Variants in GAREM1 observed in about 807,000 individuals in gnomAD.
GAREM1 encodes the protein GRB2 associated regulator of MAPK1 subtype 1.
GAREM1 carries 26 observed loss-of-function variants against 71.3 expected under a neutral mutation model. The observed-to-expected ratio is 0.36, with a 90% CI of 0.27 to 0.51. The LOEUF (loss-of-function observed/expected upper bound fraction) is 0.51. Ranked by LOEUF, GAREM1 falls within the 20% of genes least tolerant of loss-of-function variation. GAREM1 has a pLI of 0.95. For synonymous variants in GAREM1, 440 were observed against 433.2 expected (o/e 1.02, Z -0.20); for missense variants, 1,026 against 1,103.1 (o/e 0.93, Z 0.99).
At chr18:32,361,544 C>T (rs2144610354) in intron 2 of GAREM1, among the ~76,000 whole-genome samples, 2 of 152,250 alleles carry the variant, frequency 1.3e-5, no homozygotes, top group African/African-American at 4.8e-5. Flanking sequence ...GAACTCTCTT[C>T]AAGTTTTGAT....
chr18:32,273,404 T>C (rs1460265109), intron 4 of GAREM1, among the ~76,000 whole-genome samples: 2 of 152,190 alleles, frequency 1.3e-5, no homozygotes, highest in African/African-American at 4.8e-5. Flanking sequence ...TAGTTGAATT[T>C]GACCTAAAGG....
intron 1 of GAREM1, among the ~76,000 whole-genome samples, chr18:32,459,397 C>T (rs2144308733): frequency 6.6e-6 from 1 of 151,942 alleles, no homozygotes; most frequent in East Asian, 1.9e-4. Flanking sequence ...CATGATGAGG[C>T]TGTGAAGATT....
At position 32,342,380 on chromosome 18, in the gene GAREM1, GTCAT is replaced by G. The variant is rs566165703; in HGVS notation, c.263-32061_263-32058del. Among the ~76,000 whole-genome samples, 4 of 152,270 alleles carry G rather than the reference GTCAT, an allele frequency of 2.6e-5. No individual in the cohort carries two copies. In the East Asian group the frequency reaches 7.7e-4, roughly 29 times the overall value. ...TGCTGCTGGACACTCACTTGATCAT[GTCAT>G]TCCCAGCCTAAACTTTTGCAGGGCT... On this transcript the variant is annotated intron_variant, in intron 2 of 5. Transcript: ENST00000269209.
intron 4 of GAREM1, among the ~76,000 whole-genome samples, chr18:32,271,447 A>G (rs1486123742): frequency 6.6e-6 from 1 of 152,146 alleles, no homozygotes; most frequent in East Asian, 1.9e-4. Flanking sequence ...GGCCTCCCAC[A>G]GTGCTGGGAT....
At chr18:32,281,956 A>G (rs550056553) in intron 4 of GAREM1, among the ~76,000 whole-genome samples, 1 of 152,264 alleles carries the variant, frequency 6.6e-6, no homozygotes, top group South Asian at 2.1e-4. Flanking sequence ...AACTGATGAC[A>G]TTACCTTGTG....
chr18:32,388,984 G>A (rs558462930), intron 2 of GAREM1, among the ~76,000 whole-genome samples: 30 of 152,244 alleles, frequency 2.0e-4, no homozygotes, highest in African/African-American at 7.0e-4. Context: ...GTATTAGGGG[G>A]ATGTATGCTG....
Position 32,470,382 on chromosome 18 carries a change from C to T in GAREM1, c.47G>A (p.Trp16Ter). 1.3e-6 allele frequency: 2 copies of T among 1,565,366 alleles called. No homozygotes were observed. Among genetic ancestry groups the T allele is most frequent in the Non-Finnish European group, 1.7e-6 (2 of 1,157,564 alleles). ...GTCGAGCGGCACGGCCACCGAGCTC[C>T]ACTTCACATCCTTGAGGCTGCAGCC... ...SLGCSLKDVKWSSVAVPLDLL... is the reference protein window; with the variant it reads ...SLGCSLKDVK Residue 16 changes from tryptophan (W) to a stop codon, truncating the protein, a stop_gained, in exon 1 of 6, where the codon TGG becomes TAG. Coordinates refer to ENST00000269209, the MANE Select transcript of GAREM1 (RefSeq NM_001242409.2). LOFTEE classifies it high-confidence loss of function. The surrounding 1 kb of genome is among the most constrained non-coding windows in gnomAD (Gnocchi z 4.4).
At chr18:32,300,993 C>T (rs1465149673) in intron 3 of GAREM1, among the ~76,000 whole-genome samples, 9 of 151,090 alleles carry the variant, frequency 6.0e-5, no homozygotes, top group East Asian at 1.9e-4. Flanking sequence ...CTTTTTCAGA[C>T]GGCAACTTTT....
At chr18:32,364,016 ATATATATATATGTTTTTTTTTT>A (rs2047899192) in intron 2 of GAREM1, among the ~76,000 whole-genome samples, 3 of 49,098 alleles carry the variant, frequency 6.1e-5, no homozygotes, top group African/African-American at 3.7e-4. Flanking sequence ...ATATATATAT[ATATATATATATGTTTTTTTTTT>A]TTTTTTTTTT....
At chr18:32,329,254 T>C (rs1036577184) in intron 2 of GAREM1, among the ~76,000 whole-genome samples, 3 of 152,014 alleles carry the variant, frequency 2.0e-5, no homozygotes, top group Admixed American at 6.6e-5. Context: ...CAAGTGTCTA[T>C]AGTCCTACCT....
chr18:32,344,619 A>T (rs2047677042), intron 2 of GAREM1, among the ~76,000 whole-genome samples: 1 of 152,232 alleles, frequency 6.6e-6, no homozygotes, highest in African/African-American at 2.4e-5. Flanking sequence ...AAATTAAATT[A>T]TATGGGTAAA....
At chr18:32,275,425 G>A (rs1416804024) in intron 4 of GAREM1, among the ~76,000 whole-genome samples, 1 of 152,208 alleles carries the variant, frequency 6.6e-6, no homozygotes, top group Non-Finnish European at 1.5e-5. Context: ...TCTGTTTTGA[G>A]GTGGGTGTTA....
chr18:32,268,619 T>G lies in GAREM1; in HGVS notation c.1883A>C (p.Asn628Thr). 1 of 1,614,160 alleles carries G rather than the reference T, an allele frequency of 6.2e-7. No individual in the cohort carries two copies. The highest frequency in any genetic ancestry group is 8.5e-7 in the Non-Finnish European group (1 of 1,180,032). ...GCTTTCTGATGCTCCTGAATAATGG[T>G]TAGGCCATGAGAGCCGAGAGGACAC... is the stretch of plus-strand genomic sequence containing the variant. ...EAVSSRLSWP[N>T]HYSGASESQT... The change falls in exon 6 of 6, where the codon AAC becomes ACC. Residue 628 changes from asparagine (N) to threonine (T), a missense_variant. Asn to Thr is a moderately conservative substitution (Grantham distance 65, BLOSUM62 0). Coordinates refer to ENST00000269209, the MANE Select transcript of GAREM1 (RefSeq NM_001242409.2).
At chr18:32,457,802 C>A (rs1476706865) in intron 1 of GAREM1, among the ~76,000 whole-genome samples, 1 of 152,128 alleles carries the variant, frequency 6.6e-6, no homozygotes, top group Non-Finnish European at 1.5e-5. Flanking sequence ...TACACGTGCA[C>A]AACGTGCAGG....
chr18:32,336,168 C>T (rs1012064044), intron 2 of GAREM1, among the ~76,000 whole-genome samples: 1 of 152,186 alleles, frequency 6.6e-6, no homozygotes, highest in East Asian at 1.9e-4. Context: ...CGGTGGCTCA[C>T]ACCTGTAATC....
chr18:32,464,146 T>C (rs1166447844), intron 1 of GAREM1, among the ~76,000 whole-genome samples: 2 of 151,824 alleles, frequency 1.3e-5, no homozygotes, highest in Middle Eastern at 3.4e-3. Context: ...CAAAAATTAG[T>C]TGGGCGTGGT....
rs1436330332 is a variant in GAREM1, at chr18:32,267,882, G to T, written c.2620C>A (p.Pro874Thr). Reference sequence around the variant, plus strand: ...CGGGGGTTATTTGGCTATATTTTGGGCCTCCAGCCATTAATGAATTGCATT... The same window carrying T: ...CGGGGGTTATTTGGCTATATTTTGGTCCTCCAGCCATTAATGAATTGCATT... The part of the protein sequence containing the change: ...KIMQFINGWR[P>T]KI The change falls in exon 6 of 6, where the codon CCC becomes ACC. Residue 874 changes from proline to threonine, a missense_variant. Pro to Thr is a conservative substitution (Grantham distance 38). Around this residue, in one of 3 missense-constraint regions of GAREM1, gnomAD observed 636 missense variants for 631.2 expected, o/e 1.01. Transcript: ENST00000269209. 6.2e-7 allele frequency: 1 copy of T among 1,609,550 alleles called. No homozygotes were observed. The highest frequency in any genetic ancestry group is 8.5e-7 in the Non-Finnish European group (1 of 1,176,722).
At chr18:32,348,899 T>C (rs1272941171) in intron 2 of GAREM1, among the ~76,000 whole-genome samples, 1 of 152,206 alleles carries the variant, frequency 6.6e-6, no homozygotes, top group Non-Finnish European at 1.5e-5. Context: ...ACTACTATAA[T>C]AAATCCATAT....
chr18:32,429,457 A>G (rs1273454838), intron 1 of GAREM1, among the ~76,000 whole-genome samples: 1 of 152,212 alleles, frequency 6.6e-6, no homozygotes, highest in African/African-American at 2.4e-5. Flanking sequence ...TTAATACCCA[A>G]TAACCAAGCC....
Sources: allele counts gnomAD v4.1 joint callset (sites outside exome capture counted in the v4.1 genomes callset), GRCh38; gene constraint gnomAD v4.1.1; regional missense constraint gnomAD v4.1.1; non-coding constraint Gnocchi (gnomAD v3.1); transcripts MANE v1.5; gene names NCBI Gene and HGNC (gene_info 2026-07-23, HGNC 2026-07-21).